The following TGS1 variants were observed in gnomAD, a reference collection of about 807,000 sequenced individuals.
TGS1 encodes trimethylguanosine synthase.
TGS1 carries 69 observed loss-of-function variants against 92.2 expected under a neutral mutation model. That is an observed-to-expected ratio of 0.75 (90% CI 0.62 to 0.91). The LOEUF (loss-of-function observed/expected upper bound fraction) is 0.91, where lower values mean the gene tolerates loss of function less well. Among genes scored for constraint, TGS1 ranks in the 40% least tolerant of loss-of-function variants. The pLI, the probability that TGS1 is intolerant of heterozygous loss-of-function variation, is 0.00. For missense variants in TGS1, 1,062 were observed against 1,001.2 expected (o/e 1.06, Z -0.82); for synonymous variants, 345 against 338.1 (o/e 1.02, Z -0.22).
chr8:55,776,980 G>C (rs758696188), intron 1 of TGS1, among the ~76,000 whole-genome samples: 33 of 151,732 alleles, frequency 2.2e-4, no homozygotes, highest in Admixed American at 3.9e-4. Context: ...GGTGGTTCTT[G>C]GGTGTTTTTT....
At chr8:55,784,367 T>G (rs964634513) in intron 2 of TGS1, among the ~76,000 whole-genome samples, 2 of 152,086 alleles carry the variant, frequency 1.3e-5, no homozygotes, top group Non-Finnish European at 2.9e-5. Context: ...CCTTTCTCTT[T>G]TTGAGAGAGA....
chr8:55,812,245 C>T (rs368734658), intron 11 of TGS1, among the ~76,000 whole-genome samples: 22 of 152,024 alleles, frequency 1.4e-4, no homozygotes, highest in African/African-American at 5.1e-4. Context: ...TTAGAGTGTA[C>T]TCCGGGATAT....
At chr8:55,777,924 G>A (rs1811446731) in intron 1 of TGS1, among the ~76,000 whole-genome samples, 1 of 150,438 alleles carries the variant, frequency 6.6e-6, no homozygotes. Context: ...TTTAATTTAA[G>A]CCTTCTAGCA....
intron 12 of TGS1, 124 bp downstream of exon 12, chr8:55,813,242 C>A: frequency 1.5e-6 from 1 of 660,040 alleles, no homozygotes; most frequent in Non-Finnish European, 2.6e-6. Flanking sequence ...ACTGACTATT[C>A]TTAGAAAGCT....
intron 12 of TGS1, among the ~76,000 whole-genome samples, chr8:55,821,560 A>G (rs1803634589): frequency 6.6e-6 from 1 of 152,138 alleles, no homozygotes; most frequent in South Asian, 2.1e-4. Flanking sequence ...ATGGAATTCT[A>G]TTTATGGCTT....
chr8:55,778,798 A>G (rs1056551535), intron 1 of TGS1, among the ~76,000 whole-genome samples: 8 of 152,214 alleles, frequency 5.3e-5, no homozygotes, highest in Non-Finnish European at 8.8e-5. Context: ...TCCCTTTGCA[A>G]AAGAGGAATT....
intron 10 of TGS1, 21 bp downstream of exon 10, chr8:55,805,057 G>A (rs776805276): frequency 1.2e-5 from 20 of 1,610,604 alleles, no homozygotes; most frequent in Admixed American, 1.7e-5. Context: ...ATCAATGGAA[G>A]TGAACTATTT....
At chr8:55,821,112 C>G (rs1026808189) in intron 12 of TGS1, among the ~76,000 whole-genome samples, 2 of 152,096 alleles carry the variant, frequency 1.3e-5, no homozygotes, top group African/African-American at 4.8e-5. Flanking sequence ...AGAAATTATT[C>G]GTAATCAGAA....
intron 8 of TGS1, among the ~76,000 whole-genome samples, chr8:55,801,706 A>G (rs930136799): frequency 3.6e-4 from 52 of 143,310 alleles, no homozygotes; most frequent in Admixed American, 2.3e-3. Flanking sequence ...CTTCTGTCTC[A>G]GCCTCCCAAG....
At chr8:55,780,358 G>T (rs1437987662) in intron 1 of TGS1, among the ~76,000 whole-genome samples, 3 of 151,830 alleles carry the variant, frequency 2.0e-5, no homozygotes, top group Non-Finnish European at 4.4e-5. Flanking sequence ...TTTTCTAGAG[G>T]TGGGGTCTGA....
intron 1 of TGS1, among the ~76,000 whole-genome samples, chr8:55,774,005 G>T (rs76790128): frequency 0.015 from 2,266 of 152,234 alleles, 65 homozygotes; most frequent in African/African-American, 0.05. Context: ...TAAAAATTGG[G>T]GGAAAGCGAC....
At chr8:55,776,076 G>T (rs1258007672) in intron 1 of TGS1, among the ~76,000 whole-genome samples, 2 of 152,020 alleles carry the variant, frequency 1.3e-5, no homozygotes, top group African/African-American at 4.8e-5. Flanking sequence ...GGTTTATTCG[G>T]CCAGGAGCAT....
intron 2 of TGS1, among the ~76,000 whole-genome samples, chr8:55,784,511 T>A (rs1038381111): frequency 6.6e-6 from 1 of 152,180 alleles, no homozygotes; most frequent in African/African-American, 2.4e-5. Context: ...TTGTTTGTAG[T>A]GACAGGGTCT....
At chr8:55,811,244 C>T (rs2130228276) in intron 11 of TGS1, 147 bp downstream of exon 11, 1 of 679,910 alleles carries the variant, frequency 1.5e-6, no homozygotes, top group African/African-American at 1.8e-5. Flanking sequence ...AGGTGGATCA[C>T]CTGAGGTCAG....
chr8:55,820,481 T>C (rs1803604312), intron 12 of TGS1, among the ~76,000 whole-genome samples: 1 of 152,072 alleles, frequency 6.6e-6, no homozygotes, highest in Non-Finnish European at 1.5e-5. Flanking sequence ...GAGGTTGCAG[T>C]GAGCCGAGAT....
chr8:55,787,113 AT>A, intron 4 of TGS1, 53 bp downstream of exon 4: 1 of 1,272,144 alleles, frequency 7.9e-7, no homozygotes, highest in Non-Finnish European at 1.1e-6. Context: ...AAATGAATTC[AT>A]TTAGCAAAAT....
intron 12 of TGS1, among the ~76,000 whole-genome samples, chr8:55,818,337 A>G (rs1803540434): frequency 1.3e-5 from 2 of 152,028 alleles, no homozygotes; most frequent in African/African-American, 4.8e-5. Flanking sequence ...ACACCCAGCT[A>G]ATATTTATAT....
At chr8:55,779,762 C>T (rs1032415507) in intron 1 of TGS1, among the ~76,000 whole-genome samples, 3 of 152,122 alleles carry the variant, frequency 2.0e-5, no homozygotes, top group Non-Finnish European at 4.4e-5. Flanking sequence ...ATCAGAATGA[C>T]TTTTAAAACA....
At chr8:55,822,485 A>C (rs1803674093) in intron 12 of TGS1, among the ~76,000 whole-genome samples, 2 of 152,188 alleles carry the variant, frequency 1.3e-5, no homozygotes, top group East Asian at 3.8e-4. Flanking sequence ...CAACTCAAAG[A>C]AAAATTATTG....
Sources: gnomAD v4.1 joint callset for allele counts (sites outside exome capture counted in the v4.1 genomes callset) on GRCh38, gnomAD v4.1.1 for gene constraint, MANE v1.5 for transcripts, NCBI Gene and HGNC (gene_info 2026-07-23, HGNC 2026-07-21) for gene names.